The following SIPA1L1 variants were observed in gnomAD, a reference collection of about 807,000 sequenced individuals.
SIPA1L1 encodes the protein signal induced proliferation associated 1 like 1.
In SIPA1L1, 26 loss-of-function variants were observed where a neutral mutation model predicts 162.7. The ratio of observed to expected loss-of-function variants is 0.16; its 90% CI spans 0.12 to 0.22. The LOEUF (loss-of-function observed/expected upper bound fraction) is 0.22. Among genes scored for constraint, SIPA1L1 ranks in the 10% least tolerant of loss-of-function variants. SIPA1L1 has a pLI of 1.00. For missense variants in SIPA1L1, 1,874 were observed against 2,241.0 expected (o/e 0.84, Z 3.31); for synonymous variants, 829 against 837.4 (o/e 0.99, Z 0.17).
chr14:71,501,112 G>A (rs1055526017), intron 2 of SIPA1L1, among the ~76,000 whole-genome samples: 4 of 152,180 alleles, frequency 2.6e-5, no homozygotes, highest in Non-Finnish European at 5.9e-5. Context: ...CTTCAGCTCA[G>A]GAGTTTGAAC....
intron 4 of SIPA1L1, among the ~76,000 whole-genome samples, chr14:71,555,370 C>T (rs2056261269): frequency 6.6e-6 from 1 of 152,186 alleles, no homozygotes; most frequent in Non-Finnish European, 1.5e-5. Flanking sequence ...TCTAACTCTT[C>T]TTCTGAGTTT....
At position 71,624,158 on chromosome 14, in the gene SIPA1L1, G is replaced by A. The variant is rs747115064; in HGVS notation, c.1740G>A (p.Glu580=). The A allele has an allele frequency of 1.2e-6, 2 of 1,614,098 alleles. No homozygotes were observed. Among genetic ancestry groups the A allele is most frequent in the African/African-American group, 1.3e-5 (1 of 74,946 alleles). Residue 580 remains glutamate, a synonymous_variant, in exon 7 of 24, where the codon GAG becomes GAA. Transcript: ENST00000381232. The stretch of plus-strand genomic sequence containing the variant: ...AAGTGCTGGAGCACGTGGTTCCTGA[G>A]CTCAATGTCCAGTGCCTGCGGTTGG... ...LKEVLEHVVP[E]LNVQCLRLAF...
intron 7 of SIPA1L1, among the ~76,000 whole-genome samples, chr14:71,624,993 G>A (rs897783277): frequency 6.6e-6 from 1 of 151,752 alleles, no homozygotes; most frequent in African/African-American, 2.4e-5. Flanking sequence ...TAGCATTTTA[G>A]CCATATTGCA....
At chr14:71,616,736 G>C (rs1168806590) in intron 5 of SIPA1L1, among the ~76,000 whole-genome samples, 1 of 152,136 alleles carries the variant, frequency 6.6e-6, no homozygotes, top group Non-Finnish European at 1.5e-5. Context: ...TTGAGGAGAA[G>C]GTAGATGAGG....
At chr14:71,719,970 C>T (rs1301516111) in intron 17 of SIPA1L1, among the ~76,000 whole-genome samples, 1 of 152,220 alleles carries the variant, frequency 6.6e-6, no homozygotes, top group African/African-American at 2.4e-5. Flanking sequence ...TTATCCCCCA[C>T]TCTGTGGGCC....
chr14:71,706,122 G>A (rs1042263377), intron 16 of SIPA1L1, among the ~76,000 whole-genome samples: 1 of 152,044 alleles, frequency 6.6e-6, no homozygotes, highest in Non-Finnish European at 1.5e-5. Flanking sequence ...TGTAAGTTTT[G>A]CTATAGAAAA....
chr14:71,610,024 A>G (rs527691286), intron 5 of SIPA1L1, among the ~76,000 whole-genome samples: 1 of 152,326 alleles, frequency 6.6e-6, no homozygotes, highest in South Asian at 2.1e-4. Context: ...ATTTCATGAA[A>G]AAAAGACCTG....
intron 7 of SIPA1L1, among the ~76,000 whole-genome samples, chr14:71,638,144 C>G (rs904657876): frequency 5.3e-5 from 8 of 152,082 alleles, no homozygotes; most frequent in African/African-American, 1.9e-4. Flanking sequence ...AGAATTATCA[C>G]CAGTTCTGCA....
In SIPA1L1 at chr14:71,624,299, A is replaced by T. The variant is rs1424910024; in HGVS notation, c.1818+63A>T. ...GTTTATTGCTAGGCTTCCGGAATAC[A>T]GACCTTAATGTTTCTTGTTTTGATG... On this transcript the variant is annotated intron_variant, in intron 7 of 23. Coordinates refer to ENST00000381232, the MANE Select transcript of SIPA1L1 (RefSeq NM_001386936.1). 3 of 1,364,374 alleles carry T rather than the reference A, an allele frequency of 2.2e-6. No individual in the cohort carries two copies. The African/African-American group carries it at 4.3e-5, about 20-fold the overall frequency. The allele number at this position is 1,364,374 out of a possible 1,614,324, so 84.5% of individuals were successfully genotyped here. A position where few individuals can be genotyped will look rare whatever the true frequency, so the allele number is the denominator to read the frequency against.
At position 71,692,250 on chromosome 14, in the gene SIPA1L1, A is replaced by G. The variant is rs143883106; in HGVS notation, c.3374+6619A>G. Among the ~76,000 whole-genome samples the G allele has an allele frequency of 5.5e-4, 84 of 152,374 alleles. 1 individual carries two copies. In the East Asian group the frequency reaches 6.7e-3, roughly 12 times the overall value. On this transcript the variant is annotated intron_variant, in intron 13 of 23. Transcript: ENST00000381232. ...CTTGATAGTCTGATAAAGCTATAGC[A>G]TTAAACATAGATATAAGTAGAATTA... is the stretch of plus-strand genomic sequence containing the variant.
At chr14:71,544,248 A>ATG (rs2054919565) in intron 4 of SIPA1L1, among the ~76,000 whole-genome samples, 1 of 143,752 alleles carries the variant, frequency 7.0e-6, no homozygotes, top group Non-Finnish European at 1.6e-5. Flanking sequence ...GTATACACAT[A>ATG]TGTATATACA....
intron 4 of SIPA1L1, among the ~76,000 whole-genome samples, chr14:71,556,470 T>C (rs2056362122): frequency 6.6e-6 from 1 of 152,240 alleles, no homozygotes; most frequent in Non-Finnish European, 1.5e-5. Context: ...TTGGACATCA[T>C]TGGTAAATCC....
intron 10 of SIPA1L1, among the ~76,000 whole-genome samples, chr14:71,663,059 C>G (rs2043673286): frequency 6.6e-6 from 1 of 152,178 alleles, no homozygotes; most frequent in South Asian, 2.1e-4. Flanking sequence ...TTGTCTGAAT[C>G]AGTACCGTCC....
chr14:71,394,250 G>A (rs1409211662), intron 2 of SIPA1L1, among the ~76,000 whole-genome samples: 5 of 152,174 alleles, frequency 3.3e-5, no homozygotes, highest in Admixed American at 1.3e-4. Flanking sequence ...AAAATAGGGT[G>A]TGCCTCCCCT....
chr14:71,379,162 C>G (rs1011220276), intron 2 of SIPA1L1, among the ~76,000 whole-genome samples: 1 of 152,146 alleles, frequency 6.6e-6, no homozygotes, highest in African/African-American at 2.4e-5. Context: ...GCTTTTCTAT[C>G]TGTCAGAATT....
At chr14:71,339,529 A>C (rs1379378482) in intron 2 of SIPA1L1, among the ~76,000 whole-genome samples, 1 of 151,314 alleles carries the variant, frequency 6.6e-6, no homozygotes, top group Non-Finnish European at 1.5e-5. Flanking sequence ...CACCCGGCTA[A>C]TTTTTTGTAT....
intron 2 of SIPA1L1, among the ~76,000 whole-genome samples, chr14:71,388,619 CCG>C (rs1385384833): frequency 6.6e-6 from 1 of 152,134 alleles, no homozygotes; most frequent in Non-Finnish European, 1.5e-5. Flanking sequence ...AACTTAGGAT[CCG>C]CATGGATAGA....
chr14:71,603,189 T>A (rs2036998189), intron 5 of SIPA1L1, among the ~76,000 whole-genome samples: 1 of 152,214 alleles, frequency 6.6e-6, no homozygotes, highest in Non-Finnish European at 1.5e-5. Flanking sequence ...TCCATTTCCA[T>A]GGAATACCTT....
At chr14:71,575,431 A>G (rs934687055) in intron 4 of SIPA1L1, among the ~76,000 whole-genome samples, 10 of 152,184 alleles carry the variant, frequency 6.6e-5, no homozygotes, top group African/African-American at 2.2e-4. Flanking sequence ...TACTATTTCA[A>G]TTATTAAAAT....
Sources: gnomAD v4.1 joint callset for allele counts (sites outside exome capture counted in the v4.1 genomes callset) on GRCh38, gnomAD v4.1.1 for gene constraint, MANE v1.5 for transcripts, NCBI Gene and HGNC (gene_info 2026-07-23, HGNC 2026-07-21) for gene names.